ADAMTSL1: variants seen among roughly 807,000 people sequenced by gnomAD.
ADAMTSL1 encodes ADAMTS like 1, also known as ADAMTS-like protein 1.
Under a neutral mutation model 201.8 loss-of-function variants are expected in ADAMTSL1, and 126 were observed. That is an observed-to-expected ratio of 0.62 (90% confidence interval 0.54 to 0.72). ADAMTSL1 has a LOEUF of 0.72. Among genes scored for constraint, ADAMTSL1 ranks in the 30% least tolerant of loss-of-function variants. The probability of loss-of-function intolerance (pLI) is 0.00; values close to 1 mark genes in which losing one functional copy is unlikely to be tolerated. For synonymous variants in ADAMTSL1, 1,121 were observed against 903.4 expected, an observed-to-expected ratio of 1.24 and a Z score of -4.32; for missense variants, 2,679 against 2,277.8, an observed-to-expected ratio of 1.18 and a Z score of -3.59.
intron 2 of ADAMTSL1, among the ~76,000 whole-genome samples, chr9:18,403,930 A>G (rs2153417): frequency 0.55 from 84,211 of 152,042 alleles, 23,854 homozygotes; most frequent in African/African-American, 0.66. Context: ...TTATAGTGAT[A>G]TGTGAGCCTT....
chr9:18,832,128 C>A (rs995011086), intron 23 of ADAMTSL1, among the ~76,000 whole-genome samples: 1 of 152,196 alleles, frequency 6.6e-6, no homozygotes, highest in Non-Finnish European at 1.5e-5. Flanking sequence ...TCAAAACGAA[C>A]AAGCCTCAGC....
chr9:18,100,082 A>G (rs1482111237), intron 1 of ADAMTSL1, among the ~76,000 whole-genome samples: 1 of 151,782 alleles, frequency 6.6e-6, no homozygotes, highest in Non-Finnish European at 1.5e-5. Context: ...TAATTTATGT[A>G]TTGTTTCATT....
intron 5 of ADAMTSL1, among the ~76,000 whole-genome samples, chr9:18,631,211 C>T (rs1587745957): frequency 6.6e-6 from 1 of 152,086 alleles, no homozygotes; most frequent in Admixed American, 6.6e-5. Flanking sequence ...GAGGATGGCT[C>T]CAAGTTTTCT....
chr9:18,189,465 T>C (rs1828879305), intron 2 of ADAMTSL1, among the ~76,000 whole-genome samples: 1 of 152,176 alleles, frequency 6.6e-6, no homozygotes, highest in African/African-American at 2.4e-5. Flanking sequence ...CAAATACAAA[T>C]TCTTATATCA....
At chr9:18,371,043 A>G (rs903463788) in intron 2 of ADAMTSL1, among the ~76,000 whole-genome samples, 48 of 152,076 alleles carry the variant, frequency 3.2e-4, no homozygotes, top group Non-Finnish European at 8.8e-5. Context: ...ATATCCAATT[A>G]TTTTTTTAAT....
chr9:18,587,340 A>G (rs1184113034), intron 4 of ADAMTSL1, among the ~76,000 whole-genome samples: 2 of 152,204 alleles, frequency 1.3e-5, no homozygotes, highest in Non-Finnish European at 2.9e-5. Flanking sequence ...TGCAGCCAAC[A>G]AGCATATAAA....
At chr9:18,882,061 C>T (rs1429228653) in intron 23 of ADAMTSL1, among the ~76,000 whole-genome samples, 1 of 152,168 alleles carries the variant, frequency 6.6e-6, no homozygotes, top group African/African-American at 2.4e-5. Context: ...TAGTATTCCT[C>T]TTATTTAGCT....
intron 1 of ADAMTSL1, among the ~76,000 whole-genome samples, chr9:18,097,725 C>A (rs1004808929): frequency 6.6e-6 from 1 of 152,138 alleles, no homozygotes; most frequent in African/African-American, 2.4e-5. Context: ...GTTCATACAG[C>A]TCCTTTTGTG....
chr9:18,161,357 G>A (rs769732718), intron 1 of ADAMTSL1, among the ~76,000 whole-genome samples: 1 of 152,034 alleles, frequency 6.6e-6, no homozygotes, highest in Non-Finnish European at 1.5e-5. Flanking sequence ...ATGCAACTAA[G>A]TTCATTAGGC....
At chr9:18,499,275 T>C (rs918805630) in intron 1 of ADAMTSL1, among the ~76,000 whole-genome samples, 4 of 152,220 alleles carry the variant, frequency 2.6e-5, no homozygotes, top group African/African-American at 9.6e-5. Context: ...CACACTACGC[T>C]CTTTAAGAAA....
At chr9:18,658,991 T>C (rs1828890451) in intron 8 of ADAMTSL1, among the ~76,000 whole-genome samples, 1 of 152,244 alleles carries the variant, frequency 6.6e-6, no homozygotes, top group Non-Finnish European at 1.5e-5. Flanking sequence ...TGTGTGAATA[T>C]TTTAGATTCA....
intron 1 of ADAMTSL1, among the ~76,000 whole-genome samples, chr9:18,035,997 A>G (rs760360633): frequency 3.3e-5 from 5 of 152,192 alleles, no homozygotes; most frequent in East Asian, 1.9e-4. Context: ...AGCCTACACC[A>G]ACATTACAAT....
chr9:18,277,084 T>A (rs1832614529), intron 2 of ADAMTSL1, among the ~76,000 whole-genome samples: 1 of 152,258 alleles, frequency 6.6e-6, no homozygotes, highest in South Asian at 2.1e-4. Context: ...GTTTCTAGTT[T>A]CATACTATAG....
At chr9:17,938,680 T>C (rs1827109733) in intron 1 of ADAMTSL1, among the ~76,000 whole-genome samples, 1 of 152,126 alleles carries the variant, frequency 6.6e-6, no homozygotes, top group Admixed American at 6.6e-5. Flanking sequence ...TGAGGAGAGA[T>C]TTCCCAGTCA....
At chr9:18,066,278 G>T (rs529550579) in intron 1 of ADAMTSL1, among the ~76,000 whole-genome samples, 1 of 152,020 alleles carries the variant, frequency 6.6e-6, no homozygotes, top group Non-Finnish European at 1.5e-5. Flanking sequence ...AATAATAGAA[G>T]TATTATAATA....
chr9:18,716,110 G>A (rs952614548), intron 14 of ADAMTSL1, among the ~76,000 whole-genome samples: 2 of 151,182 alleles, frequency 1.3e-5, no homozygotes, highest in African/African-American at 2.4e-5. Context: ...AGACTTAAAC[G>A]TTAGACCTAA....
At chr9:18,481,294 C>T (rs1338733289) in intron 1 of ADAMTSL1, among the ~76,000 whole-genome samples, 2 of 152,140 alleles carry the variant, frequency 1.3e-5, no homozygotes, top group Admixed American at 1.3e-4. Context: ...TCTGTAATCC[C>T]AGCACTCTGG....
intron 2 of ADAMTSL1, among the ~76,000 whole-genome samples, chr9:18,221,003 G>C (rs1260755856): frequency 6.6e-6 from 1 of 151,996 alleles, no homozygotes; most frequent in Admixed American, 6.6e-5. Flanking sequence ...TCAAACTCAT[G>C]AGCCTAAGAG....
intron 10 of ADAMTSL1, 21 bp from the exon 11 acceptor site, chr9:18,680,291 T>G: frequency 6.2e-7 from 1 of 1,612,004 alleles, no homozygotes; most frequent in African/African-American, 1.3e-5. Context: ...TCTGCCCTGA[T>G]GACTCCCCTT....
Sources: gnomAD v4.1 joint callset for allele counts (sites outside exome capture counted in the v4.1 genomes callset) on GRCh38, gnomAD v4.1.1 for gene constraint, MANE v1.5 for transcripts, NCBI Gene and HGNC (gene_info 2026-07-23, HGNC 2026-07-21) for gene names.